The following PPFIBP1 variants were observed in gnomAD, a reference collection of about 807,000 sequenced individuals.
The protein encoded by PPFIBP1 is PPFIB scaffold protein 1, also known as liprin-beta-1.
A neutral mutation model predicts 137.8 loss-of-function variants in PPFIBP1; 112 were observed. That is an observed-to-expected ratio of 0.81 (90% CI 0.70 to 0.95). The LOEUF (loss-of-function observed/expected upper bound fraction) is 0.95. Ranked by LOEUF, PPFIBP1 falls within the 40% of genes least tolerant of loss-of-function variation. The pLI is 0.00. For synonymous variants in PPFIBP1, 378 were observed against 417.3 expected, an observed-to-expected ratio of 0.91 and a Z score of 1.15; for missense variants, 1,083 against 1,196.6, an observed-to-expected ratio of 0.91 and a Z score of 1.40.
chr12:27,599,681 A>G (rs1191989025), intron 2 of PPFIBP1, among the ~76,000 whole-genome samples: 1 of 152,170 alleles, frequency 6.6e-6, no homozygotes, highest in African/African-American at 2.4e-5. Flanking sequence ...AGCATACAAA[A>G]AAGAGACATC....
intron 6 of PPFIBP1, among the ~76,000 whole-genome samples, chr12:27,648,474 A>G (rs6487625): frequency 0.32 from 48,770 of 151,850 alleles, 7,956 homozygotes; most frequent in African/African-American, 0.37. Context: ...GAGCTACCAT[A>G]TGATCCAGCA....
At chr12:27,654,871 G>A in intron 8 of PPFIBP1, 57 bp downstream of exon 8, 1 of 1,544,812 alleles carries the variant, frequency 6.5e-7, no homozygotes, top group East Asian at 2.3e-5. Context: ...ATTCATCTAT[G>A]CCCAATAATA....
chr12:27,679,909 G>A (rs1212479596), intron 20 of PPFIBP1, 24 bp from the exon 21 acceptor site: 6 of 1,613,748 alleles, frequency 3.7e-6, no homozygotes, highest in Non-Finnish European at 3.4e-6. Flanking sequence ...GTCTAATACT[G>A]GCCATGTGTG....
At chr12:27,676,349 T>G in intron 17 of PPFIBP1, 79 bp from the exon 18 acceptor site, 36 of 1,116,340 alleles carry the variant, frequency 3.2e-5, no homozygotes, top group Non-Finnish European at 3.7e-5. Context: ...GTGGCGTGAG[T>G]GAGTATTTGC....
intron 22 of PPFIBP1, 42 bp from the exon 23 acceptor site, chr12:27,682,345 C>A (rs748595728): frequency 1.1e-5 from 16 of 1,408,990 alleles, no homozygotes; most frequent in East Asian, 2.3e-5. Context: ...TGGCACCCAG[C>A]CTATACAGAT....
At chr12:27,536,498 C>T (rs751316952) in intron 1 of PPFIBP1, among the ~76,000 whole-genome samples, 4 of 152,034 alleles carry the variant, frequency 2.6e-5, no homozygotes, top group African/African-American at 7.3e-5. Flanking sequence ...AAGGGAGAGG[C>T]CCCAGACTCT....
intron 1 of PPFIBP1, among the ~76,000 whole-genome samples, chr12:27,537,693 A>G (rs1452085088): frequency 6.6e-6 from 1 of 151,998 alleles, no homozygotes. Flanking sequence ...TTCAGATTTT[A>G]AAAAGAGGTC....
At chr12:27,580,041 A>G (rs1445340904) in intron 2 of PPFIBP1, among the ~76,000 whole-genome samples, 5 of 152,100 alleles carry the variant, frequency 3.3e-5, no homozygotes, top group South Asian at 2.1e-4. Context: ...CTGGATTCCT[A>G]TAGAAACTGT....
At chr12:27,542,504 T>C (rs927890798) in intron 1 of PPFIBP1, among the ~76,000 whole-genome samples, 16 of 152,276 alleles carry the variant, frequency 1.1e-4, no homozygotes, top group African/African-American at 3.9e-4. Context: ...ATATGCAAGA[T>C]GCCTAGTGCA....
chr12:27,668,025 A>G (rs925375891), intron 13 of PPFIBP1, among the ~76,000 whole-genome samples: 1 of 152,264 alleles, frequency 6.6e-6, no homozygotes, highest in Non-Finnish European at 1.5e-5. Context: ...CTTGATGAAC[A>G]ACTGACAACA....
At chr12:27,533,969 T>C (rs1944686181) in intron 1 of PPFIBP1, among the ~76,000 whole-genome samples, 1 of 152,204 alleles carries the variant, frequency 6.6e-6, no homozygotes, top group Admixed American at 6.5e-5. Context: ...CTGGTCCTGC[T>C]GTCAGGTCAG....
intron 1 of PPFIBP1, among the ~76,000 whole-genome samples, chr12:27,531,880 G>T (rs1033207164): frequency 3.3e-5 from 5 of 152,052 alleles, no homozygotes; most frequent in East Asian, 3.9e-4. Context: ...GGTTTATAAG[G>T]ATGTCCTTAT....
chr12:27,595,882 ACAAAATATATATATATAT>A (rs1391863661), intron 2 of PPFIBP1, among the ~76,000 whole-genome samples: 7 of 88,794 alleles, frequency 7.9e-5, no homozygotes, highest in African/African-American at 4.1e-4. Context: ...AACAACAACA[ACAAAATATATATATATAT>A]ATATATATAT....
intron 2 of PPFIBP1, among the ~76,000 whole-genome samples, chr12:27,612,673 C>T (rs1343545513): frequency 6.6e-6 from 1 of 152,020 alleles, no homozygotes; most frequent in Non-Finnish European, 1.5e-5. Flanking sequence ...AAACTCACCC[C>T]ACTCCCTGTT....
chr12:27,628,536 T>C (rs1356625883), intron 2 of PPFIBP1, among the ~76,000 whole-genome samples: 2 of 152,206 alleles, frequency 1.3e-5, no homozygotes, highest in African/African-American at 4.8e-5. Flanking sequence ...AACTCAACTA[T>C]AACTAGCAGA....
chr12:27,630,387 AT>A (rs2057176214), intron 2 of PPFIBP1, among the ~76,000 whole-genome samples: 1 of 152,148 alleles, frequency 6.6e-6, no homozygotes, highest in African/African-American at 2.4e-5. Flanking sequence ...ATTGTAAAAT[AT>A]CTTTCTTTCT....
intron 2 of PPFIBP1, among the ~76,000 whole-genome samples, chr12:27,588,987 CTGA>C (rs2052129362): frequency 6.6e-6 from 1 of 152,100 alleles, no homozygotes; most frequent in African/African-American, 2.4e-5. Flanking sequence ...TGAATGTTAT[CTGA>C]TGAAGGTCTT....
chr12:27,583,589 C>G (rs1486348987), intron 2 of PPFIBP1, among the ~76,000 whole-genome samples: 2 of 152,096 alleles, frequency 1.3e-5, no homozygotes, highest in Admixed American at 6.5e-5. Flanking sequence ...ATTGGGCCTG[C>G]TGTGTGGTTG....
In PPFIBP1 at chr12:27,687,446, T is replaced by G. The variant is rs1566019235; in HGVS notation, c.2309T>G (p.Ile770Ser). The change falls in exon 25 of 30, where the codon ATC (isoleucine) becomes AGC (serine). Residue 770 changes from isoleucine (I) to serine (S), a missense_variant. By Grantham distance (142) the Ile-to-Ser change is moderately radical. Transcript: ENST00000228425. Reference sequence around the variant, plus strand: ...CACCATCTCAGTATCAAAAGGGCCATCCAGGTCCTGAGGATCAATAACTTT... The same window carrying G: ...CACCATCTCAGTATCAAAAGGGCCAGCCAGGTCCTGAGGATCAATAACTTT... ...VLHHLSIKRAIQVLRINNFEP... is the reference protein window; with the variant it reads ...VLHHLSIKRASQVLRINNFEP... 6.2e-7 allele frequency: 1 copy of G among 1,614,024 alleles called. No individual in the cohort carries two copies. Among genetic ancestry groups the G allele is most frequent in the Non-Finnish European group, 8.5e-7 (1 of 1,179,912 alleles).
Sources: gnomAD v4.1 joint callset for allele counts (sites outside exome capture counted in the v4.1 genomes callset) on GRCh38, gnomAD v4.1.1 for gene constraint, MANE v1.5 for transcripts, NCBI Gene and HGNC (gene_info 2026-07-23, HGNC 2026-07-21) for gene names.